Variants in ASL observed in about 807,000 individuals in gnomAD.
The protein encoded by ASL is argininosuccinate lyase.
Under a neutral mutation model 69.1 loss-of-function variants are expected in ASL, and 51 were observed. The ratio of observed to expected loss-of-function variants is 0.74; its 90% CI spans 0.59 to 0.93. ASL has a LOEUF of 0.93. ASL is among the 40% of genes least tolerant of loss of function. ASL has a pLI of 0.00. For synonymous variants in ASL, 241 were observed against 247.6 expected (o/e 0.97, Z 0.25); for missense variants, 540 against 623.9 (o/e 0.87, Z 1.43).
At chr7:66,086,936 CG>C in intron 8 of ASL, 115 bp downstream of exon 8, 2 of 1,252,592 alleles carry the variant, frequency 1.6e-6, no homozygotes, top group Non-Finnish European at 2.2e-6. Context: ...ATCTGCTCAG[CG>C]GGGGACTCTG....
chr7:66,081,743 G>T (rs2115689562), intron 2 of ASL, 60 bp from the exon 3 acceptor site: 1 of 1,559,506 alleles, frequency 6.4e-7, no homozygotes, highest in Non-Finnish European at 8.7e-7. Context: ...AAGACTCTTT[G>T]CAAGAAGCAC....
intron 14 of ASL, among the ~76,000 whole-genome samples, chr7:66,090,803 A>G (rs1786819164): frequency 1.3e-5 from 2 of 152,200 alleles, no homozygotes; most frequent in South Asian, 2.1e-4. Context: ...ATGTCTTGAA[A>G]TCAGTGTTTC....
Position 66,075,862 on chromosome 7 carries a change from T to A in ASL, c.-44+6T>A. On this transcript the variant is annotated splice_donor_region_variant and intron_variant, in intron 1 of 16. Coordinates refer to ENST00000304874, the MANE Select transcript of ASL (RefSeq NM_000048.4). ...ATCCGTGCGGCCAGGCGGAGGTGAG[T>A]GCGCGGCGGCCGGATGGGCGGGACG... 1 of 564,712 alleles carries A rather than the reference T, an allele frequency of 1.8e-6. No individual in the cohort carries two copies. The highest frequency in any genetic ancestry group is 3.2e-6 in the Non-Finnish European group (1 of 315,730). The allele number at this position is 564,712 out of a possible 1,614,324, so 35.0% of individuals were successfully genotyped here. A position where few individuals can be genotyped will look rare whatever the true frequency, so the allele number is the denominator to read the frequency against.
intron 2 of ASL, among the ~76,000 whole-genome samples, chr7:66,079,276 G>C (rs948568371): frequency 6.6e-6 from 1 of 152,074 alleles, no homozygotes; most frequent in Admixed American, 6.6e-5. Flanking sequence ...GGCATTGTAG[G>C]GGGACAGAGG....
chr7:66,092,120 G>A (rs367866315), intron 15 of ASL, 34 bp downstream of exon 15: 41 of 1,604,010 alleles, frequency 2.6e-5, no homozygotes, highest in East Asian at 1.3e-4. Context: ...AGGGTGAGGA[G>A]ATGGGGTGCC....
intron 10 of ASL, among the ~76,000 whole-genome samples, chr7:66,088,252 A>G (rs917670999): frequency 2.5e-4 from 38 of 152,238 alleles, no homozygotes; most frequent in African/African-American, 8.7e-4. Context: ...AGTCCGAGGC[A>G]GGTGGATCAC....
intron 8 of ASL, chr7:66,087,099 C>T (rs1430923414): frequency 1.5e-5 from 10 of 647,386 alleles, no homozygotes; most frequent in Non-Finnish European, 1.1e-5. Context: ...TGTCCTGCAC[C>T]CAGGGTGACT....
chr7:66,077,265 C>A (rs183910416), intron 2 of ASL, among the ~76,000 whole-genome samples: 214 of 152,078 alleles, frequency 1.4e-3, no homozygotes, highest in Non-Finnish European at 2.3e-3. Flanking sequence ...CCTGTCTCTA[C>A]AAAAAGATTT....
intron 2 of ASL, among the ~76,000 whole-genome samples, chr7:66,077,973 A>T (rs1461410578): frequency 6.6e-6 from 1 of 152,032 alleles, no homozygotes; most frequent in Non-Finnish European, 1.5e-5. Flanking sequence ...GGGTCCTCTT[A>T]TGCCTGCCAG....
In ASL at chr7:66,086,685, G is replaced by T. The variant is rs376682269; in HGVS notation, c.524+23G>T. 4.3e-6 allele frequency: 7 copies of T among 1,613,524 alleles called. 1 individual carries two copies. The highest frequency in any genetic ancestry group is 2.2e-5 in the South Asian group (2 of 91,048). On this transcript the variant is annotated intron_variant, in intron 7 of 16. Coordinates refer to ENST00000304874, the MANE Select transcript of ASL (RefSeq NM_000048.4). ...GAGGTGAGCCAGGTGAGGTGCAGGG[G>T]CTGTGCTAGAGGGGAGGACCCCGGC... is the stretch of plus-strand genomic sequence containing the variant.
In ASL at chr7:66,092,412, C is replaced by T. The variant is rs988792303; in HGVS notation, c.1144-145C>T. On this transcript the variant is annotated intron_variant, in intron 15 of 16. Coordinates refer to ENST00000304874, the MANE Select transcript of ASL (RefSeq NM_000048.4). ...TGGAGTTTGCGGTGAGGTGAGATCGCGCCACTGCACTCCAGCCTGGGCAAC... is the reference window on the plus strand; with the variant it reads ...TGGAGTTTGCGGTGAGGTGAGATCGTGCCACTGCACTCCAGCCTGGGCAAC... The T allele has an allele frequency of 1.6e-4, 124 of 779,592 alleles. 1 individual carries two copies. The East Asian group carries it at 3.0e-3, about 19-fold the overall frequency. 48.3% of individuals were successfully genotyped at this position (779,592 alleles called of 1,614,324 possible). A position where few individuals can be genotyped will look rare whatever the true frequency, so the allele number is the denominator to read the frequency against.
Position 66,082,873 on chromosome 7 carries a change from C to A in ASL, c.292-7C>A, listed in dbSNP as rs748643275. On this transcript the variant is annotated splice_polypyrimidine_tract_variant and splice_region_variant and intron_variant, in intron 4 of 16. Transcript: ENST00000304874. ...GACCGTGACCCTGGGTCTCCCTTCA[C>A]CTCCAGGAGCTCATTGGTGCAACGG... 1 of 1,613,682 alleles carries A rather than the reference C, an allele frequency of 6.2e-7. No homozygotes were observed. The highest frequency in any genetic ancestry group is 8.5e-7 in the Non-Finnish European group (1 of 1,179,976).
rs149698725 is a variant in ASL at position 66,092,906 on chromosome 7, G to A, written c.1389G>A (p.Gln463=). 9 of 1,606,872 alleles carry A rather than the reference G, an allele frequency of 5.6e-6. No homozygotes were observed. In the African/African-American group the frequency reaches 1.1e-4, roughly 19 times the overall value. Residue 463 remains glutamine (Q), a synonymous_variant, in exon 17 of 17, where the codon CAG becomes CAA. Coordinates refer to ENST00000304874, the MANE Select transcript of ASL (RefSeq NM_000048.4). The part of the protein sequence containing the change: ...RQVRALLQAQ[Q]A ...TGCGGGCGCTACTGCAGGCACAGCA[G>A]GCCTAGGTCCTCCCACACCTGCCCC...
In ASL at chr7:66,089,122, A is replaced by T. The variant is rs1786762216; in HGVS notation, c.865A>T (p.Asn289Tyr). Residue 289 changes from asparagine (N) to tyrosine (Y), a missense_variant, in exon 12 of 17, where the codon AAC (asparagine) becomes TAC (tyrosine). Physicochemically the swap from Asn to Tyr is moderately radical, Grantham distance 143 (BLOSUM62 -2). Transcript: ENST00000304874. ...AAGCAGCCTGATGCCCCAGAAGAAAAACCCCGACAGTTTGGAGCTGATCCG... is the reference window on the plus strand; with the variant it reads ...AAGCAGCCTGATGCCCCAGAAGAAATACCCCGACAGTTTGGAGCTGATCCG... The part of the protein sequence containing the change: ...TGSSLMPQKK[N>Y]PDSLELIRSK... The T allele has an allele frequency of 1.2e-6, 2 of 1,613,804 alleles. No homozygotes were observed. Among genetic ancestry groups the T allele is most frequent in the Non-Finnish European group, 1.7e-6 (2 of 1,179,944 alleles).
At chr7:66,085,851 G>A (rs1328192161) in intron 6 of ASL, among the ~76,000 whole-genome samples, 2 of 151,990 alleles carry the variant, frequency 1.3e-5, no homozygotes, top group Non-Finnish European at 2.9e-5. Context: ...CTTGTGATCT[G>A]CCCGCCTCGG....
chr7:66,077,920 C>T (rs1786394627), intron 2 of ASL, among the ~76,000 whole-genome samples: 1 of 152,130 alleles, frequency 6.6e-6, no homozygotes, highest in Non-Finnish European at 1.5e-5. Context: ...CCTCCACTCT[C>T]CTCAGTGCCC....
At chr7:66,083,675 C>T (rs1786578087) in intron 6 of ASL, among the ~76,000 whole-genome samples, 1 of 151,070 alleles carries the variant, frequency 6.6e-6, no homozygotes, top group South Asian at 2.1e-4. Flanking sequence ...CAGAGCGAGA[C>T]TCCTGTCTCA....
At chr7:66,075,920 C>A in intron 1 of ASL, 64 bp downstream of exon 1, 1 of 893,872 alleles carries the variant, frequency 1.1e-6, no homozygotes, top group Non-Finnish European at 1.7e-6. Context: ...GTGGCGCGCG[C>A]TCACGTCCGC....
At chr7:66,086,914 G>A (rs535447277) in intron 8 of ASL, 93 bp downstream of exon 8, 60 of 1,410,448 alleles carry the variant, frequency 4.3e-5, no homozygotes, top group Admixed American at 6.0e-5. Context: ...GAGTGGGACA[G>A]AAAACCGCCT....
Sources: allele counts gnomAD v4.1 joint callset (sites outside exome capture counted in the v4.1 genomes callset), GRCh38; gene constraint gnomAD v4.1.1; transcripts MANE v1.5; gene names NCBI Gene and HGNC (gene_info 2026-07-23, HGNC 2026-07-21).